Variants in NDST1 observed in about 807,000 individuals in gnomAD.
NDST1 encodes the protein N-deacetylase and N-sulfotransferase 1, also known as bifunctional heparan sulfate N-deacetylase/N-sulfotransferase 1.
In NDST1, 35 loss-of-function variants were observed where a neutral mutation model predicts 92.8. The ratio of observed to expected loss-of-function variants is 0.38; its 90% CI spans 0.29 to 0.50. The LOEUF is 0.50. Among genes scored for constraint, NDST1 ranks in the 20% least tolerant of loss-of-function variants. NDST1 has a pLI of 0.94. For missense variants in NDST1, 822 were observed against 1,182.7 expected (o/e 0.69, Z 4.47); for synonymous variants, 493 against 500.3 (o/e 0.99, Z 0.19).
At position 150,554,334 on chromosome 5, in the gene NDST1, G is replaced by A. The variant is rs1357984136; in HGVS notation, c.*1002G>A. 3.1e-5 allele frequency: 3 copies of A among 96,388 alleles called. No individual in the cohort carries two copies. The highest frequency in any genetic ancestry group is 1.5e-4 in the African/African-American group (3 of 19,708). The allele number at this position is 96,388 out of a possible 1,614,324, so 6.0% of individuals were successfully genotyped here. On this transcript the variant is annotated 3_prime_UTR_variant, in exon 15 of 15. Coordinates refer to ENST00000261797, the MANE Select transcript of NDST1 (RefSeq NM_001543.5). ...ACCCTGGGTGCTGGGGTCGCACTGT[G>A]TTATATATATATATATATATATATA... is the stretch of plus-strand genomic sequence containing the variant.
chr5:150,519,458 A>G (rs2151267069), intron 1 of NDST1, among the ~76,000 whole-genome samples: 1 of 152,202 alleles, frequency 6.6e-6, no homozygotes, highest in African/African-American at 2.4e-5. Context: ...CTATAATCCC[A>G]GCACTTTGGG....
At chr5:150,504,845 G>C (rs1392648568), upstream of NDST1, among the ~76,000 whole-genome samples, 1 of 152,200 alleles carries the variant, frequency 6.6e-6, no homozygotes, top group Non-Finnish European at 1.5e-5. Context: ...GGTCATCATT[G>C]TCCCAAAGGC....
intron 11 of NDST1, among the ~76,000 whole-genome samples, chr5:150,545,725 C>T (rs1755449185): frequency 6.6e-6 from 1 of 152,236 alleles, no homozygotes; most frequent in Non-Finnish European, 1.5e-5. Context: ...GGTCCTGCCT[C>T]TACTTCTGAC....
intron 5 of NDST1, 61 bp downstream of exon 5, chr5:150,535,082 A>G: frequency 6.4e-7 from 1 of 1,567,020 alleles, no homozygotes; most frequent in Non-Finnish European, 8.7e-7. Flanking sequence ...GGAGGTCCAG[A>G]CTGCTGGCCT....
In NDST1 at chr5:150,545,427, A is replaced by G. The variant is rs1264528397; in HGVS notation, c.2086A>G (p.Lys696Glu). 1.2e-6 allele frequency: 2 copies of G among 1,614,156 alleles called. No homozygotes were observed. The highest frequency in any genetic ancestry group is 4.5e-5 in the East Asian group (2 of 44,900). ...CCGGCGGGCAGCAGCCCTCTTGCCC[A>G]AAGCCAAGGTCCTGACCATCCTCAT... ...APRRAAALLP[K>E]AKVLTILINP... Residue 696 changes from lysine to glutamate, a missense_variant, in exon 11 of 15, where the codon AAA (lysine) becomes GAA (glutamate). Lys to Glu is a moderately conservative substitution (Grantham distance 56). Coordinates refer to ENST00000261797, the MANE Select transcript of NDST1 (RefSeq NM_001543.5).
chr5:150,519,868 G>A (rs1754159344), intron 1 of NDST1, among the ~76,000 whole-genome samples: 1 of 152,110 alleles, frequency 6.6e-6, no homozygotes, highest in East Asian at 1.9e-4. Flanking sequence ...CCAGTGAGAT[G>A]AGTATAGGAG....
chr5:150,550,563 A>G (rs527519234), intron 13 of NDST1: 2 of 152,422 alleles, frequency 1.3e-5, no homozygotes, highest in Admixed American at 6.5e-5. Flanking sequence ...TTCCTGTGCT[A>G]TGTCACAGAT....
rs759353472 is a variant in NDST1, at chr5:150,527,918, A to G, written c.628A>G (p.Thr210Ala). The G allele has an allele frequency of 8.7e-6, 14 of 1,614,192 alleles. No homozygotes were observed. In the South Asian group the frequency reaches 1.5e-4, roughly 18 times the overall value. The change falls in exon 3 of 15, where the codon ACG becomes GCG. Residue 210 changes from threonine (T) to alanine (A), a missense_variant. By Grantham distance (58) the Thr-to-Ala change is moderately conservative. Transcript: ENST00000261797. Reference sequence around the variant, plus strand: ...CCCCAAGTCCCCGCTGCTCTACGTGACGCGACCTAGCGAGGTGGAGAAAGG... The same window carrying G: ...CCCCAAGTCCCCGCTGCTCTACGTGGCGCGACCTAGCGAGGTGGAGAAAGG... The part of the protein sequence containing the change: ...INPKSPLLYV[T>A]RPSEVEKGVL...
At chr5:150,530,390 C>G (rs966908662) in intron 3 of NDST1, among the ~76,000 whole-genome samples, 2 of 152,056 alleles carry the variant, frequency 1.3e-5, no homozygotes, top group Non-Finnish European at 2.9e-5. Flanking sequence ...TCCAGTGGCC[C>G]AAGCTCATTT....
chr5:150,498,383 T>G (rs924541982), intron 1 of NDST1: 1 of 152,242 alleles, frequency 6.6e-6, no homozygotes, highest in Non-Finnish European at 1.5e-5. Context: ...GGTAAAAGTT[T>G]GCTGTTGGTA....
At chr5:150,519,986 C>T (rs1026968943) in intron 1 of NDST1, among the ~76,000 whole-genome samples, 2 of 152,114 alleles carry the variant, frequency 1.3e-5, no homozygotes, top group Non-Finnish European at 1.5e-5. Flanking sequence ...GGGAGGCCTC[C>T]CCTCTGCATC....
In NDST1 at chr5:150,535,630, A is replaced by G. The variant is rs550141578; in HGVS notation, c.1252-70A>G. On this transcript the variant is annotated intron_variant, in intron 5 of 14. Coordinates refer to ENST00000261797, the MANE Select transcript of NDST1 (RefSeq NM_001543.5). Reference sequence around the variant, plus strand: ...ACCTCTGATTTCTCTCTCCCATTCTACAAAGGGGGGATAAGGCCCAAAGGG... The same window carrying G: ...ACCTCTGATTTCTCTCTCCCATTCTGCAAAGGGGGGATAAGGCCCAAAGGG... The G allele has an allele frequency of 2.8e-5, 44 of 1,562,258 alleles. 1 individual carries two copies. In the African/African-American group the frequency reaches 5.5e-4, roughly 20 times the overall value.
rs1252678222 is a variant in NDST1, at chr5:150,557,132, C to A, written c.*3800C>A. 6.6e-6 allele frequency: 1 copy of A among 152,588 alleles called. No homozygotes were observed. Among genetic ancestry groups the A allele is most frequent in the African/African-American group, 2.4e-5 (1 of 41,454 alleles). The allele number at this position is 152,588 out of a possible 1,614,324, so 9.5% of individuals were successfully genotyped here. On this transcript the variant is annotated 3_prime_UTR_variant, in exon 15 of 15. Transcript: ENST00000261797. This position sits in a 1 kb window ranked among gnomAD's most constrained non-coding sequence, Gnocchi z 4.7. ...TGCCTAAGATGCGCCTCCACTGTCA[C>A]CTGTACCAAGTGCCAAAACAGCAGA...
chr5:150,501,754 G>A (rs969092486), intron 1 of NDST1, among the ~76,000 whole-genome samples: 29 of 152,196 alleles, frequency 1.9e-4, no homozygotes, highest in Admixed American at 1.9e-3. Flanking sequence ...TTGAGTGGTG[G>A]GATGAAATGA....
Position 150,512,381 on chromosome 5 carries a change from A to G in NDST1, c.-388+4155A>G, listed in dbSNP as rs558306173. Among the ~76,000 whole-genome samples, 142 of 152,304 alleles carry G rather than the reference A, an allele frequency of 9.3e-4. 1 individual carries two copies. Among genetic ancestry groups the G allele is most frequent in the South Asian group, 8.9e-3 (43 of 4,826 alleles). ...CCCCCATTCACTGCAGCCATGTCGTACCAGAGACATAAAACCTTGGGTTCC... is the reference window on the plus strand; with the variant it reads ...CCCCCATTCACTGCAGCCATGTCGTGCCAGAGACATAAAACCTTGGGTTCC... On this transcript the variant is annotated intron_variant, in intron 1 of 14. Transcript: ENST00000261797.
At chr5:150,541,737 C>T in intron 9 of NDST1, 71 bp downstream of exon 9, 2 of 1,411,408 alleles carry the variant, frequency 1.4e-6, no homozygotes, top group Non-Finnish European at 2.0e-6. Flanking sequence ...CTGAGGACTG[C>T]CTTGCCCTGG....
intron 1 of NDST1, among the ~76,000 whole-genome samples, chr5:150,499,271 T>A (rs537812474): frequency 6.6e-6 from 1 of 152,348 alleles, no homozygotes; most frequent in South Asian, 2.1e-4. Context: ...TTTCAAAAAT[T>A]GGAAGACAGG....
At position 150,521,795 on chromosome 5, in the gene NDST1, G is replaced by T; in HGVS notation, c.513+28G>T. 1 of 1,610,150 alleles carries T rather than the reference G, an allele frequency of 6.2e-7. No individual in the cohort carries two copies. Among genetic ancestry groups the T allele is most frequent in the Non-Finnish European group, 8.5e-7 (1 of 1,179,982 alleles). Reference sequence around the variant, plus strand: ...ACACAAGAAGCAGGGTCCCCGAGCAGTTCAGAGCCCCCTCTGCAGCTCAGT... The same window carrying T: ...ACACAAGAAGCAGGGTCCCCGAGCATTTCAGAGCCCCCTCTGCAGCTCAGT... On this transcript the variant is annotated intron_variant, in intron 2 of 14. Coordinates refer to ENST00000261797, the MANE Select transcript of NDST1 (RefSeq NM_001543.5). The surrounding 1 kb of genome is among the most constrained non-coding windows in gnomAD (Gnocchi z 5.9).
chr5:150,544,053 C>T (rs772087726), intron 10 of NDST1, among the ~76,000 whole-genome samples: 47 of 152,348 alleles, frequency 3.1e-4, no homozygotes, highest in Non-Finnish European at 5.4e-4. Context: ...GCTGGGATTA[C>T]GGCGTGCGCC....
Sources: allele counts gnomAD v4.1 joint callset (sites outside exome capture counted in the v4.1 genomes callset), GRCh38; gene constraint gnomAD v4.1.1; non-coding constraint Gnocchi (gnomAD v3.1); transcripts MANE v1.5; gene names NCBI Gene and HGNC (gene_info 2026-07-23, HGNC 2026-07-21).